Variants in BANK1 observed in about 807,000 individuals in gnomAD.
BANK1 encodes the protein B-cell scaffold protein with ankyrin repeats.
In BANK1, 95 loss-of-function variants were observed where a neutral mutation model predicts 94.5. The observed-to-expected ratio is 1.00, with a 90% CI of 0.85 to 1.19. The LOEUF (loss-of-function observed/expected upper bound fraction) is 1.19, where lower values mean the gene tolerates loss of function less well. BANK1 is among the 50% of genes most tolerant of loss of function. The probability of loss-of-function intolerance (pLI) is 0.00; values close to 1 mark genes in which losing one functional copy is unlikely to be tolerated. For missense variants in BANK1, 987 were observed against 932.2 expected (o/e 1.06, Z -0.77); for synonymous variants, 334 against 308.4 (o/e 1.08, Z -0.87).
chr4:101,846,991 C>T (rs1296144562), intron 2 of BANK1, among the ~76,000 whole-genome samples: 1 of 152,146 alleles, frequency 6.6e-6, no homozygotes, highest in Non-Finnish European at 1.5e-5. Flanking sequence ...CTTTTCCTCA[C>T]CCTCCCTGTC....
At chr4:102,073,790 AGCCTTGTTAGG>A (rs754788790) in intron 16 of BANK1, 42 bp downstream of exon 16, 25 of 1,493,304 alleles carry the variant, frequency 1.7e-5, no homozygotes, top group Non-Finnish European at 2.2e-5. Context: ...AATCTAAAGC[AGCCTTGTTAGG>A]GACTTGAAGG....
intron 10 of BANK1, among the ~76,000 whole-genome samples, chr4:102,037,991 A>G (rs13112986): frequency 0.042 from 6,415 of 152,260 alleles, 201 homozygotes; most frequent in Non-Finnish European, 0.061. Flanking sequence ...CCACTATTGA[A>G]TACTATCTAG....
chr4:101,955,195 G>C (rs1724297056), intron 7 of BANK1, among the ~76,000 whole-genome samples: 1 of 152,070 alleles, frequency 6.6e-6, no homozygotes, highest in Non-Finnish European at 1.5e-5. Flanking sequence ...GCCAGAAACA[G>C]CAATAAAATC....
At chr4:102,026,753 C>T (rs971565563) in intron 9 of BANK1, among the ~76,000 whole-genome samples, 1 of 143,274 alleles carries the variant, frequency 7.0e-6, no homozygotes, top group Non-Finnish European at 1.5e-5. Flanking sequence ...GCCCGGGAGG[C>T]GGAGGTTGCA....
chr4:101,965,597 G>T (rs548983722), intron 7 of BANK1, among the ~76,000 whole-genome samples: 2 of 152,158 alleles, frequency 1.3e-5, no homozygotes, highest in Non-Finnish European at 2.9e-5. Context: ...TCTCTGTGAA[G>T]CCACACACAA....
intron 11 of BANK1, among the ~76,000 whole-genome samples, chr4:102,047,442 T>C (rs1320915820): frequency 6.6e-6 from 1 of 152,044 alleles, no homozygotes; most frequent in Non-Finnish European, 1.5e-5. Flanking sequence ...CTTTTTTAAG[T>C]CTACTATTAT....
chr4:102,035,504 C>T (rs903767091), intron 10 of BANK1, among the ~76,000 whole-genome samples: 7 of 152,070 alleles, frequency 4.6e-5, no homozygotes, highest in East Asian at 1.9e-4. Flanking sequence ...AAAAATTAGC[C>T]GGGCATGGTG....
intron 6 of BANK1, among the ~76,000 whole-genome samples, chr4:101,911,252 AAAAG>A (rs1489985138): frequency 6.6e-6 from 1 of 152,186 alleles, no homozygotes; most frequent in Non-Finnish European, 1.5e-5. Context: ...ATTGAAGTGA[AAAAG>A]AAAGAGAACA....
intron 4 of BANK1, among the ~76,000 whole-genome samples, chr4:101,864,646 A>G (rs549697970): frequency 3.3e-5 from 5 of 152,308 alleles, no homozygotes; most frequent in African/African-American, 1.2e-4. Context: ...TAACAAGAGA[A>G]AAGCCTAACA....
intron 7 of BANK1, among the ~76,000 whole-genome samples, chr4:101,991,751 T>A (rs1265441464): frequency 2.0e-5 from 3 of 152,128 alleles, no homozygotes; most frequent in Non-Finnish European, 4.4e-5. Flanking sequence ...AACCAGCAAG[T>A]AGAACTTTTC....
intron 5 of BANK1, among the ~76,000 whole-genome samples, chr4:101,890,090 A>C (rs1004498017): frequency 6.6e-6 from 1 of 152,182 alleles, no homozygotes; most frequent in South Asian, 2.1e-4. Context: ...GATATGATCT[A>C]TCTTGGTATA....
rs9998747 is a variant in BANK1 at position 101,880,160 on chromosome 4, C to T, written c.903+9516C>T. ...GAAGAAGTCAAATTATCCTTGTTTG[C>T]GGATGAAATAATCTTATATTTGGAA... On this transcript the variant is annotated intron_variant, in intron 5 of 16. Transcript: ENST00000322953. Among the ~76,000 whole-genome samples, 935 of 152,012 alleles carry T rather than the reference C, an allele frequency of 6.2e-3. 11 individuals are homozygous for T. The highest frequency in any genetic ancestry group is 0.021 in the African/African-American group (858 of 41,496).
Position 101,901,756 on chromosome 4 carries a change from T to G in BANK1, c.1009+6346T>G, listed in dbSNP as rs1474567817. Among the ~76,000 whole-genome samples, 6 of 42,156 alleles carry G rather than the reference T, an allele frequency of 1.4e-4. No homozygotes were observed. The South Asian group carries it at 3.2e-3, about 22-fold the overall frequency. 27.7% of individuals were successfully genotyped at this position (42,156 alleles called of 152,430 possible). A position where few individuals can be genotyped will look rare whatever the true frequency, so the allele number is the denominator to read the frequency against. On this transcript the variant is annotated intron_variant, in intron 6 of 16. Transcript: ENST00000322953. Reference sequence around the variant, plus strand: ...CTGCATTATCTCCAGACGCTTTTTGTTTTTTTGTTTTTGTTTTTTTTTGAA... The same window carrying G: ...CTGCATTATCTCCAGACGCTTTTTGGTTTTTTGTTTTTGTTTTTTTTTGAA...
At position 102,025,284 on chromosome 4, in the gene BANK1, G is replaced by A; in HGVS notation, c.1369G>A (p.Gly457Arg). ...ADGAEANEME[G>R]EGKQNGSGME... Reference sequence around the variant, plus strand: ...TGGAGCTGAGGCAAATGAAATGGAAGGGGAAGGAAAACAGAATGGATCAGG... The same window carrying A: ...TGGAGCTGAGGCAAATGAAATGGAAAGGGAAGGAAAACAGAATGGATCAGG... Residue 457 changes from glycine to arginine, a missense_variant, in exon 9 of 17, where the codon GGG (glycine) becomes AGG (arginine). Transcript: ENST00000322953. 2 of 1,614,068 alleles carry A rather than the reference G, an allele frequency of 1.2e-6. No homozygotes were observed. Among genetic ancestry groups the A allele is most frequent in the Non-Finnish European group, 1.7e-6 (2 of 1,179,986 alleles).
intron 7 of BANK1, among the ~76,000 whole-genome samples, chr4:101,940,405 T>C (rs1723703154): frequency 6.6e-6 from 1 of 151,770 alleles, no homozygotes; most frequent in Non-Finnish European, 1.5e-5. Flanking sequence ...TACATTATTA[T>C]AGTATGCTTG....
chr4:101,992,446 T>C (rs1725739408), intron 7 of BANK1, among the ~76,000 whole-genome samples: 1 of 152,176 alleles, frequency 6.6e-6, no homozygotes, highest in Non-Finnish European at 1.5e-5. Flanking sequence ...TTGGATTATG[T>C]ACTTTTAAAT....
chr4:102,035,275 G>A (rs1007196121), intron 10 of BANK1, among the ~76,000 whole-genome samples: 4 of 152,224 alleles, frequency 2.6e-5, no homozygotes, highest in Admixed American at 6.5e-5. Context: ...AACTGCTTCC[G>A]CAAAGCTTAA....
At chr4:101,913,586 T>C (rs1722737275) in intron 6 of BANK1, among the ~76,000 whole-genome samples, 1 of 152,150 alleles carries the variant, frequency 6.6e-6, no homozygotes, top group Non-Finnish European at 1.5e-5. Flanking sequence ...TGGCGATCCC[T>C]AGCCCACAGC....
At chr4:102,029,849 C>A in intron 9 of BANK1, 111 bp from the exon 10 acceptor site, 1 of 942,554 alleles carries the variant, frequency 1.1e-6, no homozygotes, top group Non-Finnish European at 1.6e-6. Flanking sequence ...AATACTGTTT[C>A]CTACGGCACT....
Sources: allele counts gnomAD v4.1 joint callset (sites outside exome capture counted in the v4.1 genomes callset), GRCh38; gene constraint gnomAD v4.1.1; transcripts MANE v1.5; gene names NCBI Gene and HGNC (gene_info 2026-07-23, HGNC 2026-07-21).